The following EPHA6 variants were observed in gnomAD, a reference collection of about 807,000 sequenced individuals.
The protein encoded by EPHA6 is ephrin type-A receptor 6.
EPHA6 carries 50 observed loss-of-function variants against 112.0 expected under a neutral mutation model. The observed-to-expected ratio is 0.45, with a 90% CI of 0.36 to 0.56. The LOEUF is 0.56. EPHA6 is among the 20% of genes least tolerant of loss of function. The pLI is 0.00. For missense variants in EPHA6, 1,280 were observed against 1,417.4 expected (o/e 0.90, Z 1.56); for synonymous variants, 529 against 490.7 (o/e 1.08, Z -1.03).
At chr3:97,138,649 GAGA>G (rs959455773) in intron 3 of EPHA6, among the ~76,000 whole-genome samples, 1 of 152,276 alleles carries the variant, frequency 6.6e-6, no homozygotes, top group East Asian at 1.9e-4. Flanking sequence ...CAGGGGCATG[GAGA>G]TCAGATTTGT....
At chr3:97,202,277 G>A (rs537345787) in intron 3 of EPHA6, among the ~76,000 whole-genome samples, 1 of 152,116 alleles carries the variant, frequency 6.6e-6, no homozygotes, top group South Asian at 2.1e-4. Flanking sequence ...ACACTCTGAA[G>A]AAGCTTGAGG....
intron 3 of EPHA6, among the ~76,000 whole-genome samples, chr3:97,217,037 G>A (rs1375706493): frequency 6.6e-6 from 1 of 152,146 alleles, no homozygotes; most frequent in Non-Finnish European, 1.5e-5. Context: ...CCAAGAGATA[G>A]TAATTAAAAG....
intron 3 of EPHA6, among the ~76,000 whole-genome samples, chr3:97,163,891 G>A (rs569966376): frequency 6.6e-6 from 1 of 152,316 alleles, no homozygotes. Context: ...AAAGCTGGGA[G>A]TATACTTGTA....
intron 2 of EPHA6, among the ~76,000 whole-genome samples, chr3:96,871,131 T>C (rs1330046458): frequency 1.3e-5 from 2 of 152,180 alleles, no homozygotes; most frequent in East Asian, 3.9e-4. Context: ...ACACCCGTCA[T>C]GTTAATTTCA....
In EPHA6 at chr3:97,054,668, C is replaced by CAAT. The variant is rs148618618; in HGVS notation, c.1114+66676_1114+66678dup. 5.5e-3 allele frequency among the ~76,000 whole-genome samples: 827 copies of CAAT among 151,466 alleles called. 6 individuals carry two copies. The highest frequency in any genetic ancestry group is 0.019 in the African/African-American group (805 of 41,494). On this transcript the variant is annotated intron_variant, in intron 3 of 17. Transcript: ENST00000389672. ...GTTTTGAAAAACATCTTGAATATAACAATCAATAATAAGAAAGAAATATTT... is the reference window on the plus strand; with the variant it reads ...GTTTTGAAAAACATCTTGAATATAACAATAATCAATAATAAGAAAGAAATATTT...
chr3:97,509,121 G>A (rs961158854), intron 10 of EPHA6, among the ~76,000 whole-genome samples: 25 of 148,648 alleles, frequency 1.7e-4, no homozygotes, highest in Non-Finnish European at 3.0e-5. Context: ...CACACTGATG[G>A]GTCTTGATTC....
intron 5 of EPHA6, among the ~76,000 whole-genome samples, chr3:97,370,872 G>A (rs566386235): frequency 5.8e-4 from 89 of 152,232 alleles, no homozygotes; most frequent in African/African-American, 2.1e-3. Flanking sequence ...ATAAGATTAA[G>A]AGTTTTTGCA....
rs764070610 is a variant in EPHA6 at position 96,930,560 on chromosome 3, A to G, written c.451-56770A>G. On this transcript the variant is annotated intron_variant, in intron 2 of 17. Coordinates refer to ENST00000389672, the MANE Select transcript of EPHA6 (RefSeq NM_001080448.3). Reference sequence around the variant, plus strand: ...AAGGCTGTGAAACAGCAAACATTGTAGCCTCCTCCTTCTGGAAGCTCCATC... The same window carrying G: ...AAGGCTGTGAAACAGCAAACATTGTGGCCTCCTCCTTCTGGAAGCTCCATC... Among the ~76,000 whole-genome samples, 44 of 152,192 alleles carry G rather than the reference A, an allele frequency of 2.9e-4. 1 individual carries two copies. Among genetic ancestry groups the G allele is most frequent in the Non-Finnish European group, 1.3e-4 (9 of 68,030 alleles).
intron 11 of EPHA6, among the ~76,000 whole-genome samples, chr3:97,548,891 C>T (rs1197692184): frequency 6.6e-6 from 1 of 152,148 alleles, no homozygotes; most frequent in East Asian, 1.9e-4. Flanking sequence ...GTGGATTGCA[C>T]ATACGAAGGT....
rs373309919 is a variant in EPHA6 at position 97,396,182 on chromosome 3, A to T, written c.1607-8968A>T. Among the ~76,000 whole-genome samples, 6 of 151,604 alleles carry T rather than the reference A, an allele frequency of 4.0e-5. No homozygotes were observed. In the East Asian group the frequency reaches 1.2e-3, roughly 29 times the overall value. ...AAGATTCTATTTTGTAGCATTCAAT[A>T]TTAAGATTTTCATTGTCACAAGCAT... On this transcript the variant is annotated intron_variant, in intron 5 of 17. Coordinates refer to ENST00000389672, the MANE Select transcript of EPHA6 (RefSeq NM_001080448.3).
rs186205185 is a variant in EPHA6, at chr3:97,311,625, A to G, written c.1606+67338A>G. On this transcript the variant is annotated intron_variant, in intron 5 of 17. Transcript: ENST00000389672. The stretch of plus-strand genomic sequence containing the variant: ...AATGACTGGATTGTATTTAGAATCT[A>G]TTGTATTCCATTGATTCGTTTATCT... Among the ~76,000 whole-genome samples, 24 of 151,904 alleles carry G rather than the reference A, an allele frequency of 1.6e-4. No individual in the cohort carries two copies. The East Asian group carries it at 4.3e-3, about 27-fold the overall frequency.
chr3:96,837,786 T>G (rs1243024982), intron 1 of EPHA6, among the ~76,000 whole-genome samples: 7 of 152,150 alleles, frequency 4.6e-5, no homozygotes, highest in Non-Finnish European at 2.9e-5. Flanking sequence ...TATTTCATCT[T>G]TTTATTTGAG....
intron 2 of EPHA6, among the ~76,000 whole-genome samples, chr3:96,917,667 C>A (rs2039556163): frequency 6.6e-6 from 1 of 151,792 alleles, no homozygotes; most frequent in African/African-American, 2.4e-5. Flanking sequence ...GGAATTCATA[C>A]AGAGACTTGG....
intron 10 of EPHA6, among the ~76,000 whole-genome samples, chr3:97,513,115 C>T (rs954512546): frequency 1.3e-5 from 2 of 152,122 alleles, no homozygotes; most frequent in African/African-American, 4.8e-5. Flanking sequence ...ATTATTTACT[C>T]ATGGTGTTCA....
rs202056699 is a variant in EPHA6 at position 97,226,028 on chromosome 3, CT to C, written c.1115-234del. ...GTGTGTGTGTGTGTATGTGTGTATG[CT>C]TGAGGTATAATTTTAAAAATTAGCA... On this transcript the variant is annotated intron_variant, in intron 3 of 17. Transcript: ENST00000389672. Among the ~76,000 whole-genome samples the C allele has an allele frequency of 4.8e-3, 729 of 152,126 alleles. 6 individuals are homozygous for C. The highest frequency in any genetic ancestry group is 0.015 in the African/African-American group (641 of 41,504).
intron 13 of EPHA6, among the ~76,000 whole-genome samples, chr3:97,635,923 G>A (rs1249772544): frequency 6.6e-6 from 1 of 151,972 alleles, no homozygotes; most frequent in East Asian, 1.9e-4. Context: ...ATATGTAGGA[G>A]CATATGTTGA....
At chr3:97,740,826 C>CAA (rs2035472268) in intron 16 of EPHA6, among the ~76,000 whole-genome samples, 1 of 151,996 alleles carries the variant, frequency 6.6e-6, no homozygotes, top group Non-Finnish European at 1.5e-5. Context: ...GCCACATAGG[C>CAA]AATACATAAT....
rs9818542 is a variant in EPHA6 at position 97,672,744 on chromosome 3, C to T, written c.2784+34662C>T. Among the ~76,000 whole-genome samples, 535 of 152,226 alleles carry T rather than the reference C, an allele frequency of 3.5e-3. 3 individuals are homozygous for T. The highest frequency in any genetic ancestry group is 0.012 in the African/African-American group (489 of 41,542). Reference sequence around the variant, plus strand: ...CATATTGGAATGAGTTCTTCTTAAACGCTCTTGAGATGGATTTTATTGTTA... The same window carrying T: ...CATATTGGAATGAGTTCTTCTTAAATGCTCTTGAGATGGATTTTATTGTTA... On this transcript the variant is annotated intron_variant, in intron 14 of 17. Coordinates refer to ENST00000389672, the MANE Select transcript of EPHA6 (RefSeq NM_001080448.3).
chr3:96,962,577 C>G (rs1189594511), intron 2 of EPHA6, among the ~76,000 whole-genome samples: 1 of 149,760 alleles, frequency 6.7e-6, no homozygotes, highest in African/African-American at 2.5e-5. Flanking sequence ...TAAAGAGATT[C>G]CATTTTCAAA....
Sources: allele counts gnomAD v4.1 joint callset (sites outside exome capture counted in the v4.1 genomes callset), GRCh38; gene constraint gnomAD v4.1.1; transcripts MANE v1.5; gene names NCBI Gene and HGNC (gene_info 2026-07-23, HGNC 2026-07-21).